Variants in ZFHX3 observed in about 807,000 individuals in gnomAD.
The protein encoded by ZFHX3 is zinc finger homeobox 3.
ZFHX3 carries 42 observed loss-of-function variants against 279.1 expected under a neutral mutation model. The observed-to-expected ratio is 0.15, with a 90% confidence interval of 0.12 to 0.19. The LOEUF (loss-of-function observed/expected upper bound fraction) is 0.19. Ranked by LOEUF, ZFHX3 falls within the 10% of genes least tolerant of loss-of-function variation. The pLI is 1.00. For synonymous variants in ZFHX3, 2,293 were observed against 1,957.8 expected (o/e 1.17, Z -4.52); for missense variants, 4,981 against 4,754.0 (o/e 1.05, Z -1.40).
Position 72,928,194 on chromosome 16 carries a change from A to AGGGGAGAGAG in ZFHX3, c.3216+22274_3216+22275insCTCTCTCCCC. ...AGGGGGAGGGGAGAGAGGGAGGGGG[A>AGGGGAGAGAG]GGGGAGCGAGGGGGAGCGAAGGGGA... On this transcript the variant is annotated intron_variant, in intron 3 of 9. Transcript: ENST00000268489. Among the ~76,000 whole-genome samples the AGGGGAGAGAG allele has an allele frequency of 4.4e-4, 2 of 4,506 alleles. 1 individual carries two copies. Among genetic ancestry groups the AGGGGAGAGAG allele is most frequent in the Non-Finnish European group, 8.3e-4 (2 of 2,422 alleles). The allele number at this position is 4,506 out of a possible 152,430, so 3.0% of individuals were successfully genotyped here. A position where few individuals can be genotyped will look rare whatever the true frequency, so the allele number is the denominator to read the frequency against.
intron 1 of ZFHX3, among the ~76,000 whole-genome samples, chr16:73,754,741 C>T (rs1360184453): frequency 3.9e-5 from 6 of 151,910 alleles, no homozygotes; most frequent in African/African-American, 1.2e-4. Flanking sequence ...TGAGGGAAGA[C>T]ACGAACTTTA....
At chr16:73,192,206 A>G (rs1385250218) in intron 5 of ZFHX3, among the ~76,000 whole-genome samples, 1 of 151,914 alleles carries the variant, frequency 6.6e-6, no homozygotes, top group Non-Finnish European at 1.5e-5. Flanking sequence ...CTCCTCCCCA[A>G]ACACCCTATC....
chr16:72,957,321 G>C (rs1192999795), intron 2 of ZFHX3, 106 bp downstream of exon 2: 77 of 1,370,374 alleles, frequency 5.6e-5, no homozygotes, highest in South Asian at 8.6e-5. Flanking sequence ...AAAACCACTC[G>C]AGAAGACCAG....
chr16:73,172,497 G>A (rs898490057), intron 5 of ZFHX3, among the ~76,000 whole-genome samples: 1 of 152,216 alleles, frequency 6.6e-6, no homozygotes, highest in Non-Finnish European at 1.5e-5. Flanking sequence ...CACTGCTTTT[G>A]TGTTGAACTT....
intron 2 of ZFHX3, among the ~76,000 whole-genome samples, chr16:73,467,520 CTT>C (rs903899835): frequency 1.3e-5 from 2 of 152,112 alleles, no homozygotes; most frequent in African/African-American, 4.8e-5. Flanking sequence ...CACAATTTAC[CTT>C]GAAATACAAT....
chr16:73,824,142 A>G (rs961429519), intron 1 of ZFHX3, among the ~76,000 whole-genome samples: 1 of 152,186 alleles, frequency 6.6e-6, no homozygotes, highest in Non-Finnish European at 1.5e-5. Flanking sequence ...CTACTGCAGG[A>G]CTTACCAGAG....
chr16:73,368,842 T>A (rs2016574383), intron 3 of ZFHX3, among the ~76,000 whole-genome samples: 1 of 152,208 alleles, frequency 6.6e-6, no homozygotes, highest in Non-Finnish European at 1.5e-5. Flanking sequence ...GAGGCAATTA[T>A]TACCAGCCCC....
At chr16:73,859,070 G>C (rs1158835253) in intron 1 of ZFHX3, among the ~76,000 whole-genome samples, 1 of 152,182 alleles carries the variant, frequency 6.6e-6, no homozygotes, top group Non-Finnish European at 1.5e-5. Flanking sequence ...AAAAGTAGCT[G>C]TACAGCTAAA....
chr16:73,536,211 A>G (rs970023307), intron 2 of ZFHX3, among the ~76,000 whole-genome samples: 1 of 152,230 alleles, frequency 6.6e-6, no homozygotes, highest in African/African-American at 2.4e-5. Flanking sequence ...TAAATAGAAA[A>G]GTGAATTACT....
At chr16:73,057,845 A>G (rs1965592616) in intron 1 of ZFHX3, among the ~76,000 whole-genome samples, 1 of 150,266 alleles carries the variant, frequency 6.7e-6, no homozygotes, top group African/African-American at 2.4e-5. Context: ...CCAGCGCGGA[A>G]GGCGCTCGCC....
At chr16:73,504,815 G>C (rs1456994270) in intron 2 of ZFHX3, 7 of 152,338 alleles carry the variant, frequency 4.6e-5, no homozygotes, top group African/African-American at 1.4e-4. Flanking sequence ...GCTTGGTTGG[G>C]GGGGCGGTGG....
chr16:73,263,850 G>A (rs1052413603), intron 4 of ZFHX3, among the ~76,000 whole-genome samples: 1 of 152,142 alleles, frequency 6.6e-6, no homozygotes, highest in East Asian at 1.9e-4. Context: ...CTAAGCAACA[G>A]GGAAAGAACA....
intron 2 of ZFHX3, among the ~76,000 whole-genome samples, chr16:73,512,462 A>T (rs1478388557): frequency 6.6e-6 from 1 of 151,484 alleles, no homozygotes; most frequent in Non-Finnish European, 1.5e-5. Context: ...AAAAAAAAAA[A>T]AAAAGAATGG....
intron 4 of ZFHX3, among the ~76,000 whole-genome samples, chr16:73,282,653 T>C (rs2014486236): frequency 6.6e-6 from 1 of 152,234 alleles, no homozygotes; most frequent in Non-Finnish European, 1.5e-5. Context: ...TATTTCAGTC[T>C]TTGCTATTCT....
At chr16:72,995,072 CA>C (rs1963234376) in intron 1 of ZFHX3, among the ~76,000 whole-genome samples, 1 of 152,146 alleles carries the variant, frequency 6.6e-6, no homozygotes, top group African/African-American at 2.4e-5. Context: ...CTCCAATCAC[CA>C]AAAATGTAGA....
chr16:73,092,084 A>G (rs1335209236), intron 8 of ZFHX3, among the ~76,000 whole-genome samples: 1 of 152,252 alleles, frequency 6.6e-6, no homozygotes, highest in African/African-American at 2.4e-5. Context: ...TAGACAGGCT[A>G]GTGTGAATTA....
At position 72,962,444 on chromosome 16, in the gene ZFHX3, C is replaced by G. The variant is rs375149922; in HGVS notation, c.-49-2250G>C. Among the ~76,000 whole-genome samples the G allele has an allele frequency of 1.4e-4, 22 of 152,284 alleles. No individual in the cohort carries two copies. The South Asian group carries it at 4.6e-3, about 32-fold the overall frequency. ...ACCCACCTATGATGGTGGCTGGTGACCCTGTGGTGGTGACACTAGAGCCCA... is the reference window on the plus strand; with the variant it reads ...ACCCACCTATGATGGTGGCTGGTGAGCCTGTGGTGGTGACACTAGAGCCCA... On this transcript the variant is annotated intron_variant, in intron 1 of 9. Coordinates refer to ENST00000268489, the MANE Select transcript of ZFHX3 (RefSeq NM_006885.4).
chr16:73,271,438 G>C (rs995176931), intron 4 of ZFHX3, among the ~76,000 whole-genome samples: 2 of 152,174 alleles, frequency 1.3e-5, no homozygotes, highest in Non-Finnish European at 2.9e-5. Context: ...CTGCTCCGGA[G>C]GGGCAGCACA....
At chr16:73,055,713 CACACACACAT>C (rs1251672960) in intron 1 of ZFHX3, among the ~76,000 whole-genome samples, 21 of 143,556 alleles carry the variant, frequency 1.5e-4, no homozygotes, top group Admixed American at 9.0e-4. Flanking sequence ...CACACACACA[CACACACACAT>C]ACACACACAC....
Sources: allele counts gnomAD v4.1 joint callset (sites outside exome capture counted in the v4.1 genomes callset), GRCh38; gene constraint gnomAD v4.1.1; transcripts MANE v1.5; gene names NCBI Gene and HGNC (gene_info 2026-07-23, HGNC 2026-07-21).